The following CACNA1C variants were observed in gnomAD, a reference collection of about 807,000 sequenced individuals.
CACNA1C encodes voltage-dependent L-type calcium channel subunit alpha-1C.
CACNA1C carries 30 observed loss-of-function variants against 229.0 expected under a neutral mutation model. The ratio of observed to expected loss-of-function variants is 0.13; its 90% confidence interval spans 0.10 to 0.18. The LOEUF (loss-of-function observed/expected upper bound fraction) is 0.18. CACNA1C is among the 10% of genes least tolerant of loss of function. The pLI, the probability that CACNA1C is intolerant of heterozygous loss-of-function variation, is 1.00. For missense variants in CACNA1C, 1,658 were observed against 2,845.0 expected, an observed-to-expected ratio of 0.58 and a Z score of 9.49; for synonymous variants, 1,114 against 1,132.5, an observed-to-expected ratio of 0.98 and a Z score of 0.33.
chr12:2,004,586 C>T lies in CACNA1C; in HGVS notation c.139+33385C>T, dbSNP rs372461654. ...TCACCCCCACCCTCCTGCCCGCCGA[C>T]AGACGCAAGGCCTCACTAATCGATG... On this transcript the variant is annotated intron_variant, in intron 1 of 46. Transcript: ENST00000682462. The T allele has an allele frequency of 4.4e-5, 49 of 1,106,674 alleles. No homozygotes were observed. In the East Asian group the frequency reaches 1.2e-3, roughly 27 times the overall value. 68.6% of individuals were successfully genotyped at this position (1,106,674 alleles called of 1,614,324 possible).
chr12:2,222,465 T>C (rs1415532670), intron 3 of CACNA1C: 1 of 152,114 alleles, frequency 6.6e-6, no homozygotes, highest in Non-Finnish European at 1.5e-5. Context: ...AGAACAAGAA[T>C]AATGCTTTCA....
At chr12:2,401,879 T>C (rs922194854) in intron 3 of CACNA1C, among the ~76,000 whole-genome samples, 6 of 152,308 alleles carry the variant, frequency 3.9e-5, no homozygotes, top group Admixed American at 1.3e-4. Flanking sequence ...TCTGAACACA[T>C]CCACAATGAG....
intron 9 of CACNA1C, among the ~76,000 whole-genome samples, chr12:2,513,258 T>A (rs2099788813): frequency 6.6e-6 from 1 of 152,248 alleles, no homozygotes; most frequent in African/African-American, 2.4e-5. Flanking sequence ...GAGGCTTTTT[T>A]AAAATCAGAG....
chr12:2,398,568 T>A (rs1219337581), intron 3 of CACNA1C, among the ~76,000 whole-genome samples: 4 of 152,178 alleles, frequency 2.6e-5, no homozygotes. Flanking sequence ...CCTCCATACC[T>A]TACATCCTGC....
rs921838569 is a variant in CACNA1C at position 2,346,491 on chromosome 12, T to C, written c.478-102485T>C. Among the ~76,000 whole-genome samples, 1 of 152,132 alleles carries C rather than the reference T, an allele frequency of 6.6e-6. No individual in the cohort carries two copies. The highest frequency in any genetic ancestry group is 2.4e-5 in the African/African-American group (1 of 41,410). On this transcript the variant is annotated intron_variant, in intron 3 of 46. Transcript: ENST00000399655. This position sits in a 1 kb window ranked among gnomAD's most constrained non-coding sequence, Gnocchi z 4.4. ...TTTGCTGTCCAGGGCTTTGGGACAA[T>C]GGGCTTGCTATGTTTTAAATTTTGG...
chr12:2,104,072 T>C (rs7298917), intron 1 of CACNA1C, among the ~76,000 whole-genome samples: 87,310 of 152,058 alleles, frequency 0.57, 26,247 homozygotes, highest in Non-Finnish European at 0.66. Flanking sequence ...TCTTTTTTGG[T>C]TCCATATGAA....
chr12:2,588,631 C>T (rs1287254805), intron 18 of CACNA1C, among the ~76,000 whole-genome samples: 1 of 152,214 alleles, frequency 6.6e-6, no homozygotes, highest in Non-Finnish European at 1.5e-5. Flanking sequence ...CCATCGAGGC[C>T]AGCCATGGCC....
rs568273101 is a variant in CACNA1C at position 2,568,153 on chromosome 12, G to A, written c.1895+359G>A. Among the ~76,000 whole-genome samples, 3 of 152,268 alleles carry A rather than the reference G, an allele frequency of 2.0e-5. No individual in the cohort carries two copies. In the South Asian group the frequency reaches 6.2e-4, roughly 32 times the overall value. ...TGCTGATTCTTCTCCAGGGTCATAA[G>A]ATGACTTCTGGAGACTGAGCCATCA... On this transcript the variant is annotated intron_variant, in intron 13 of 46. Coordinates refer to ENST00000399655, the MANE Select transcript of CACNA1C (RefSeq NM_000719.7).
chr12:2,565,079 C>T (rs2049640053), intron 11 of CACNA1C, among the ~76,000 whole-genome samples: 1 of 152,214 alleles, frequency 6.6e-6, no homozygotes, highest in Non-Finnish European at 1.5e-5. Context: ...GAAAACGCCT[C>T]CACCATAGAA....
At chr12:2,371,333 C>T (rs191716209) in intron 3 of CACNA1C, among the ~76,000 whole-genome samples, 8 of 152,286 alleles carry the variant, frequency 5.3e-5, no homozygotes, top group African/African-American at 9.6e-5. Flanking sequence ...AAGACCCAGC[C>T]GTAGGATTTC....
At chr12:2,656,930 A>T (rs947766824) in intron 34 of CACNA1C, among the ~76,000 whole-genome samples, 10 of 151,700 alleles carry the variant, frequency 6.6e-5, no homozygotes, top group Non-Finnish European at 1.5e-4. Context: ...AAAAGTATAT[A>T]TGTAATAGAA....
chr12:2,271,979 C>T (rs2085232432), intron 3 of CACNA1C, among the ~76,000 whole-genome samples: 1 of 152,174 alleles, frequency 6.6e-6, no homozygotes, highest in Admixed American at 6.5e-5. Flanking sequence ...TTATTTATTT[C>T]AAGAAGCATA....
chr12:2,657,766 A>C (rs1192723138), intron 34 of CACNA1C, among the ~76,000 whole-genome samples: 3 of 152,184 alleles, frequency 2.0e-5, no homozygotes, highest in Admixed American at 2.0e-4. Context: ...AAGAAAATGC[A>C]AATAAAAGGA....
At chr12:2,238,556 A>G (rs1224855902) in intron 3 of CACNA1C, among the ~76,000 whole-genome samples, 1 of 152,222 alleles carries the variant, frequency 6.6e-6, no homozygotes, top group African/African-American at 2.4e-5. Context: ...TTTCTTGTGA[A>G]TGAGAATGGT....
chr12:2,531,127 GC>G (rs2099840017), intron 9 of CACNA1C, among the ~76,000 whole-genome samples: 1 of 152,174 alleles, frequency 6.6e-6, no homozygotes, highest in South Asian at 2.1e-4. Flanking sequence ...TATTATCTTT[GC>G]CCTCACTTCA....
chr12:2,003,203 C>A (rs1390167664), intron 1 of CACNA1C, among the ~76,000 whole-genome samples: 3 of 152,014 alleles, frequency 2.0e-5, no homozygotes, highest in Non-Finnish European at 2.9e-5. Context: ...CTACAGGCTG[C>A]TGAACTATAC....
intron 3 of CACNA1C, among the ~76,000 whole-genome samples, chr12:2,172,546 A>G (rs986866344): frequency 6.6e-6 from 1 of 152,242 alleles, no homozygotes; most frequent in Non-Finnish European, 1.5e-5. Context: ...TTAAAATAAT[A>G]TGTCCAAATA....
intron 3 of CACNA1C, among the ~76,000 whole-genome samples, chr12:2,156,428 A>G (rs982627805): frequency 2.0e-5 from 3 of 152,266 alleles, no homozygotes; most frequent in South Asian, 2.1e-4. Flanking sequence ...TAAAAAATGC[A>G]TAAACCACAA....
At chr12:2,465,432 T>C (rs2099544217) in intron 5 of CACNA1C, among the ~76,000 whole-genome samples, 2 of 152,144 alleles carry the variant, frequency 1.3e-5, no homozygotes, top group Non-Finnish European at 2.9e-5. Context: ...CTGAGGTTTA[T>C]GTGGAACAGG....
Sources: gnomAD v4.1 joint callset for allele counts (sites outside exome capture counted in the v4.1 genomes callset) on GRCh38, gnomAD v4.1.1 for gene constraint, Gnocchi (gnomAD v3.1) non-coding constraint, MANE v1.5 for transcripts, NCBI Gene and HGNC (gene_info 2026-07-23, HGNC 2026-07-21) for gene names.